Variants in ARHGEF3 observed in about 807,000 individuals in gnomAD.
ARHGEF3 encodes 59.8 kDA protein.
ARHGEF3 carries 28 observed loss-of-function variants against 63.2 expected under a neutral mutation model. The observed-to-expected ratio is 0.44, with a 90% CI of 0.33 to 0.61. The LOEUF (loss-of-function observed/expected upper bound fraction) is 0.61. Among genes scored for constraint, ARHGEF3 ranks in the 20% least tolerant of loss-of-function variants. The pLI, the probability that ARHGEF3 is intolerant of heterozygous loss-of-function variation, is 0.03. For synonymous variants in ARHGEF3, 266 were observed against 254.2 expected, an observed-to-expected ratio of 1.05 and a Z score of -0.44; for missense variants, 533 against 659.3, an observed-to-expected ratio of 0.81 and a Z score of 2.10.
intron 4 of ARHGEF3, among the ~76,000 whole-genome samples, chr3:56,874,979 C>G (rs1388260871): frequency 6.6e-6 from 1 of 152,124 alleles, no homozygotes; most frequent in Non-Finnish European, 1.5e-5. Context: ...ATGCTTAATT[C>G]ATATTAGCCT....
chr3:56,831,495 G>C (rs2038929641), intron 4 of ARHGEF3, among the ~76,000 whole-genome samples: 1 of 152,194 alleles, frequency 6.6e-6, no homozygotes, highest in South Asian at 2.1e-4. Flanking sequence ...AGTCTCTGTT[G>C]CAACTATTCA....
intron 2 of ARHGEF3, among the ~76,000 whole-genome samples, chr3:56,962,400 G>A (rs184760144): frequency 1.3e-5 from 2 of 152,350 alleles, no homozygotes; most frequent in South Asian, 2.1e-4. Context: ...ACTCAGCTGA[G>A]CTTCTGAACA....
chr3:56,985,125 T>C (rs1465613482), intron 2 of ARHGEF3, among the ~76,000 whole-genome samples: 1 of 152,254 alleles, frequency 6.6e-6, no homozygotes, highest in East Asian at 1.9e-4. Context: ...TCTCACTCTG[T>C]CGCCCAGGCG....
At chr3:56,736,674 T>C (rs2107700180) in intron 8 of ARHGEF3, among the ~76,000 whole-genome samples, 1 of 152,320 alleles carries the variant, frequency 6.6e-6, no homozygotes, top group Admixed American at 6.5e-5. Context: ...CAACCCTATG[T>C]TGGTTTCCAA....
intron 2 of ARHGEF3, among the ~76,000 whole-genome samples, chr3:57,015,766 T>C (rs7617001): frequency 0.34 from 52,243 of 151,744 alleles, 9,637 homozygotes; most frequent in African/African-American, 0.47. Context: ...CTTGAAAAGG[T>C]CCCCCAAATT....
intron 2 of ARHGEF3, among the ~76,000 whole-genome samples, chr3:57,016,362 T>A (rs1244447351): frequency 7.0e-6 from 1 of 143,396 alleles, no homozygotes; most frequent in Non-Finnish European, 1.5e-5. Context: ...GTCAAGATAG[T>A]GAAACCCTGT....
chr3:56,949,796 G>C (rs1311785166), intron 3 of ARHGEF3, among the ~76,000 whole-genome samples: 1 of 151,938 alleles, frequency 6.6e-6, no homozygotes, highest in East Asian at 1.9e-4. Context: ...AGTTCATATG[G>C]AACCAAAAAG....
At chr3:57,074,528 G>C in intron 1 of ARHGEF3, 1 of 481,828 alleles carries the variant, frequency 2.1e-6, no homozygotes, top group Non-Finnish European at 3.8e-6. Flanking sequence ...TTAGCCCCCG[G>C]GGAACCTTCA....
At chr3:57,040,501 A>AG (rs1704140059) in intron 1 of ARHGEF3, among the ~76,000 whole-genome samples, 3 of 134,800 alleles carry the variant, frequency 2.2e-5, no homozygotes, top group African/African-American at 8.2e-5. Flanking sequence ...AAAGAAAAGA[A>AG]AATACCAAAA....
intron 4 of ARHGEF3, 109 bp from the exon 5 acceptor site, chr3:56,751,505 C>T: frequency 1.2e-6 from 1 of 843,040 alleles, no homozygotes; most frequent in Non-Finnish European, 1.9e-6. Flanking sequence ...ACTTCTGGCT[C>T]TCTAACAACT....
chr3:57,057,106 T>A lies in ARHGEF3; in HGVS notation c.-27-21930A>T, dbSNP rs565860573. 8.6e-4 allele frequency among the ~76,000 whole-genome samples: 131 copies of A among 152,282 alleles called. 2 individuals are homozygous for A. In the South Asian group the frequency reaches 0.017, roughly 20 times the overall value. On this transcript the variant is annotated intron_variant, in intron 1 of 12. Transcript: ENST00000338458. The stretch of plus-strand genomic sequence containing the variant: ...CTACACTGCAGGTTTCTGCATTTTT[T>A]AATTTTCATTATTATTATTTTTTGA...
At chr3:56,730,660 C>T (rs552859594) in intron 9 of ARHGEF3, among the ~76,000 whole-genome samples, 3 of 152,246 alleles carry the variant, frequency 2.0e-5, no homozygotes, top group Admixed American at 2.0e-4. Flanking sequence ...GGACTATAGG[C>T]GTGAGCCACC....
chr3:57,078,915 GTCCC>G (rs1706337425), intron 1 of ARHGEF3: 1 of 270,422 alleles, frequency 3.7e-6, no homozygotes, highest in African/African-American at 2.2e-5. Flanking sequence ...CAGAGTCAGG[GTCCC>G]CAGCAGGAGC....
At chr3:56,902,682 C>A (rs1439453219) in intron 3 of ARHGEF3, among the ~76,000 whole-genome samples, 2 of 152,218 alleles carry the variant, frequency 1.3e-5, no homozygotes, top group Admixed American at 6.5e-5. Context: ...ACCCTGTGTG[C>A]CTGCCCAGGT....
At chr3:56,839,394 A>G (rs1266584107) in intron 4 of ARHGEF3, among the ~76,000 whole-genome samples, 2 of 152,138 alleles carry the variant, frequency 1.3e-5, no homozygotes, top group African/African-American at 4.8e-5. Flanking sequence ...TCACAGAACA[A>G]CATTTTGGTT....
At chr3:56,916,046 G>A (rs552325925) in intron 3 of ARHGEF3, among the ~76,000 whole-genome samples, 3 of 152,182 alleles carry the variant, frequency 2.0e-5, no homozygotes, top group East Asian at 1.9e-4. Flanking sequence ...AGCTATGCAC[G>A]CCACTCAGCT....
chr3:57,027,526 T>A (rs1286561410), intron 2 of ARHGEF3, among the ~76,000 whole-genome samples: 3 of 151,998 alleles, frequency 2.0e-5, no homozygotes, highest in Non-Finnish European at 4.4e-5. Flanking sequence ...GGTGGGGTGG[T>A]GAGAAGGCTG....
At chr3:57,056,401 A>AAG (rs1553816826) in intron 1 of ARHGEF3, among the ~76,000 whole-genome samples, 5 of 151,220 alleles carry the variant, frequency 3.3e-5, no homozygotes, top group South Asian at 4.2e-4. Flanking sequence ...AAAAAAAAAA[A>AAG]AAGAAGCAGA....
chr3:57,032,407 C>T (rs950411065), intron 2 of ARHGEF3, among the ~76,000 whole-genome samples: 20 of 152,152 alleles, frequency 1.3e-4, no homozygotes, highest in African/African-American at 4.6e-4. Context: ...GCGTGATGGC[C>T]CCAAAGCCAT....
Sources: allele counts gnomAD v4.1 joint callset (sites outside exome capture counted in the v4.1 genomes callset), GRCh38; gene constraint gnomAD v4.1.1; transcripts MANE v1.5; gene names NCBI Gene and HGNC (gene_info 2026-07-23, HGNC 2026-07-21).